Variants in SH2D6 observed in about 807,000 individuals in gnomAD.
SH2D6 encodes the protein SH2 domain containing 6.
In SH2D6, 31 loss-of-function variants were observed where a neutral mutation model predicts 30.2. That is an observed-to-expected ratio of 1.03 (90% confidence interval 0.77 to 1.38). SH2D6 has a LOEUF of 1.38. Among genes scored for constraint, SH2D6 ranks in the 40% most tolerant of loss-of-function variants. SH2D6 has a pLI of 0.00. For synonymous variants in SH2D6, 93 were observed against 104.6 expected (o/e 0.89, Z 0.68); for missense variants, 240 against 266.8 (o/e 0.90, Z 0.70).
At position 85,422,469 on chromosome 2, in the gene SH2D6, A is replaced by G. The variant is rs75248447; in HGVS notation, c.-425A>G. 0.059 allele frequency: 8,990 copies of G among 152,338 alleles called. 386 individuals carry two copies. The highest frequency in any genetic ancestry group is 0.085 in the Middle Eastern group (25 of 294). 9.4% of individuals were successfully genotyped at this position (152,338 alleles called of 1,614,324 possible). On this transcript the variant is annotated 5_prime_UTR_variant, in exon 4 of 24. Transcript: ENST00000469800. ...AATGGTCTGCCTGGGCCTCAGTCAC[A>G]TTGGAGGAGCAGAGAGAGAAGGTGA...
At chr2:85,433,694 C>G in intron 16 of SH2D6, 63 bp downstream of exon 16, 2 of 1,061,994 alleles carry the variant, frequency 1.9e-6, no homozygotes, top group South Asian at 2.8e-5. Context: ...CACAGCACAA[C>G]ACACTCTCCT....
intron 22 of SH2D6, 59 bp from the exon 23 acceptor site, chr2:85,436,407 G>A: frequency 7.5e-7 from 1 of 1,328,168 alleles, no homozygotes; most frequent in Non-Finnish European, 1.1e-6. Flanking sequence ...AGTTGCCTCA[G>A]GAAATTGCTC....
intron 14 of SH2D6, among the ~76,000 whole-genome samples, chr2:85,432,237 C>G (rs568988409): frequency 1.4e-5 from 2 of 145,658 alleles, no homozygotes; most frequent in African/African-American, 5.1e-5. Flanking sequence ...TTTTTTGGCT[C>G]GGCTGCTCTG....
At chr2:85,431,082 G>C (rs1688569521) in intron 12 of SH2D6, 128 bp from the exon 13 acceptor site, 1 of 152,550 alleles carries the variant, frequency 6.6e-6, no homozygotes, top group African/African-American at 2.4e-5. Context: ...TGGGCTGTCA[G>C]GAAGCCAATG....
chr2:85,426,520 G>C (rs1688064796), intron 6 of SH2D6, among the ~76,000 whole-genome samples: 1 of 152,174 alleles, frequency 6.6e-6, no homozygotes, highest in Non-Finnish European at 1.5e-5. Context: ...TCTGGGAGAA[G>C]GAATGCTGTG....
rs1408826831 is a variant in SH2D6, at chr2:85,435,101, C to T, written c.626C>T (p.Thr209Ile). The T allele has an allele frequency of 5.6e-6, 9 of 1,611,846 alleles. No individual in the cohort carries two copies. Among genetic ancestry groups the T allele is most frequent in the Non-Finnish European group, 7.6e-6 (9 of 1,179,648 alleles). ...TCGTCTCTTCCCTCTGTAGCCCCCA[C>T]TGGGAGTGCCTCAGCTGCTGAGGTG... ...RKSSLPSVAP[T>I]GSASAAEDSD... The change falls in exon 20 of 24, where the codon ACT becomes ATT. Residue 209 changes from threonine to isoleucine, a missense_variant. Physicochemically the swap from Thr to Ile is moderately conservative, Grantham distance 89 (BLOSUM62 -1). Coordinates refer to ENST00000469800, the MANE Select transcript of SH2D6 (RefSeq NM_001394463.1).
At chr2:85,424,378 C>T (rs1687883992) in intron 5 of SH2D6, among the ~76,000 whole-genome samples, 1 of 152,046 alleles carries the variant, frequency 6.6e-6, no homozygotes. Flanking sequence ...AAGTCCAGGT[C>T]ACATCTCCCT....
Position 85,434,020 on chromosome 2 carries a change from C to A in SH2D6, c.455-13C>A, listed in dbSNP as rs1423745627. The A allele has an allele frequency of 1.3e-6, 2 of 1,549,606 alleles. No individual in the cohort carries two copies. Among genetic ancestry groups the A allele is most frequent in the East Asian group, 2.4e-5 (1 of 40,910 alleles). The stretch of plus-strand genomic sequence containing the variant: ...GTGCTCAGCCGAGCCCAGCCTGCCC[C>A]TCCCTGTTTCAGTCCTGGCTTTGAC... On this transcript the variant is annotated splice_polypyrimidine_tract_variant and intron_variant, in intron 16 of 23. Coordinates refer to ENST00000469800, the MANE Select transcript of SH2D6 (RefSeq NM_001394463.1).
intron 19 of SH2D6, 129 bp from the exon 20 acceptor site, chr2:85,434,936 C>A: frequency 6.2e-7 from 1 of 1,600,210 alleles, no homozygotes; most frequent in East Asian, 2.2e-5. Context: ...CACTGGGTGC[C>A]GGGGTTTGGG....
rs1688473561 is a variant in SH2D6, at chr2:85,430,367, C to T, written c.68C>T (p.Ser23Phe). 1 of 152,654 alleles carries T rather than the reference C, an allele frequency of 6.6e-6. No homozygotes were observed. Among genetic ancestry groups the T allele is most frequent in the Non-Finnish European group, 1.5e-5 (1 of 68,144 alleles). 9.5% of individuals were successfully genotyped at this position (152,654 alleles called of 1,614,324 possible). The change falls in exon 11 of 24, where the codon TCC becomes TTC. Residue 23 changes from serine (S) to phenylalanine (F), a missense_variant. By Grantham distance (155) the Ser-to-Phe change is radical. Transcript: ENST00000469800. This position sits in a 1 kb window ranked among gnomAD's most constrained non-coding sequence, Gnocchi z 4.3. The part of the protein sequence containing the change: ...PPLPPPRCVD[S>F]PGWREDAPSP... ...TGAGGCCAGCTTGTCTGTCCAGACT[C>T]CCCAGGTTGGAGAGAAGATGCTCCC...
intron 17 of SH2D6, 25 bp downstream of exon 17, chr2:85,434,136 C>G (rs1261892026): frequency 6.5e-7 from 1 of 1,548,110 alleles, no homozygotes; most frequent in African/African-American, 1.4e-5. Context: ...AGGTGTGCAC[C>G]TGTGTGTATG....
At chr2:85,435,273 G>T in intron 20 of SH2D6, 140 bp from the exon 21 acceptor site, 2 of 1,254,048 alleles carry the variant, frequency 1.6e-6, no homozygotes, top group Non-Finnish European at 1.1e-6. Context: ...CCCCAGACAG[G>T]GACACCACTT....
chr2:85,433,157 G>C, intron 15 of SH2D6, 36 bp downstream of exon 15: 2 of 985,006 alleles, frequency 2.0e-6, no homozygotes, highest in Non-Finnish European at 2.4e-6. Context: ...CAGTTTCCAG[G>C]CTTCTGGTTA....
intron 14 of SH2D6, among the ~76,000 whole-genome samples, chr2:85,432,401 TTTG>T (rs1688802088): frequency 6.6e-6 from 1 of 151,126 alleles, no homozygotes; most frequent in African/African-American, 2.4e-5. Context: ...TTTGTTTTGT[TTTG>T]TTTTGTTTTT....
intron 2 of SH2D6, among the ~76,000 whole-genome samples, chr2:85,420,136 G>A (rs190369580): frequency 2.0e-5 from 3 of 152,096 alleles, no homozygotes; most frequent in South Asian, 2.1e-4. Context: ...ACAGAGTCTC[G>A]CTCTGTCTCC....
chr2:85,427,318 G>T (rs1424776334), intron 6 of SH2D6, among the ~76,000 whole-genome samples: 1 of 152,222 alleles, frequency 6.6e-6, no homozygotes, highest in Non-Finnish European at 1.5e-5. Context: ...AATATCTATG[G>T]TGTGCACAGA....
chr2:85,434,936 C>T (rs371406978), intron 19 of SH2D6, 129 bp from the exon 20 acceptor site: 46 of 1,600,090 alleles, frequency 2.9e-5, no homozygotes, highest in Middle Eastern at 4.5e-4. Flanking sequence ...CACTGGGTGC[C>T]GGGGTTTGGG....
intron 14 of SH2D6, 73 bp from the exon 15 acceptor site, chr2:85,433,026 C>T (rs1293568927): frequency 1.0e-6 from 1 of 984,988 alleles, no homozygotes; most frequent in Non-Finnish European, 1.2e-6. Flanking sequence ...TCTGCTTTTT[C>T]AGCCTCAGTC....
At chr2:85,428,979 C>T (rs1463296694) in intron 7 of SH2D6, among the ~76,000 whole-genome samples, 1 of 152,230 alleles carries the variant, frequency 6.6e-6, no homozygotes, top group African/African-American at 2.4e-5. Context: ...AAAAATGAAG[C>T]TGCCACACTA....
Sources: gnomAD v4.1 joint callset for allele counts (sites outside exome capture counted in the v4.1 genomes callset) on GRCh38, gnomAD v4.1.1 for gene constraint, Gnocchi (gnomAD v3.1) non-coding constraint, MANE v1.5 for transcripts, NCBI Gene and HGNC (gene_info 2026-07-23, HGNC 2026-07-21) for gene names.